RETREG1: variants seen among roughly 807,000 people sequenced by gnomAD.
The protein encoded by RETREG1 is reticulophagy regulator 1, also known as family with sequence similarity 134 member B.
In RETREG1, 44 loss-of-function variants were observed where a neutral mutation model predicts 54.8. That is an observed-to-expected ratio of 0.80 (90% CI 0.63 to 1.03). The LOEUF is 1.03. RETREG1 is among the 50% of genes least tolerant of loss of function. The pLI, the probability that RETREG1 is intolerant of heterozygous loss-of-function variation, is 0.00. For synonymous variants in RETREG1, 217 were observed against 238.5 expected, an observed-to-expected ratio of 0.91 and a Z score of 0.83; for missense variants, 554 against 605.1, an observed-to-expected ratio of 0.92 and a Z score of 0.89.
chr5:16,480,452 T>C (rs1232790959), intron 5 of RETREG1, among the ~76,000 whole-genome samples: 1 of 152,150 alleles, frequency 6.6e-6, no homozygotes, highest in Non-Finnish European at 1.5e-5. Context: ...GTCTTTGTAC[T>C]TTCATTTCTT....
intron 3 of RETREG1, among the ~76,000 whole-genome samples, chr5:16,496,385 GCC>G (rs1429762139): frequency 2.6e-5 from 4 of 152,248 alleles, no homozygotes; most frequent in Admixed American, 2.6e-4. Flanking sequence ...AAATCACACT[GCC>G]ACCCCATGGA....
At chr5:16,494,319 C>CA (rs1033041205) in intron 3 of RETREG1, among the ~76,000 whole-genome samples, 7 of 151,862 alleles carry the variant, frequency 4.6e-5, no homozygotes, top group South Asian at 2.1e-4. Flanking sequence ...ATAGATGACA[C>CA]AAAAAAAATG....
chr5:16,497,398 G>A (rs532032805), intron 3 of RETREG1, among the ~76,000 whole-genome samples: 93 of 152,260 alleles, frequency 6.1e-4, no homozygotes, highest in African/African-American at 2.1e-3. Flanking sequence ...TCACACTACC[G>A]GCAAAGCTGC....
intron 3 of RETREG1, among the ~76,000 whole-genome samples, chr5:16,532,418 G>A (rs769446621): frequency 1.5e-4 from 23 of 152,132 alleles, no homozygotes; most frequent in Admixed American, 5.2e-4. Context: ...CCAGCTACTC[G>A]GGAAGCTGAG....
chr5:16,494,000 A>G (rs1739350077), intron 3 of RETREG1, among the ~76,000 whole-genome samples: 1 of 152,228 alleles, frequency 6.6e-6, no homozygotes, highest in Non-Finnish European at 1.5e-5. Context: ...TAAGATATTC[A>G]GTCAAGATGC....
intron 3 of RETREG1, among the ~76,000 whole-genome samples, chr5:16,564,559 A>G (rs141408449): frequency 6.6e-6 from 1 of 152,286 alleles, no homozygotes; most frequent in African/African-American, 2.4e-5. Context: ...TAGAAAGAGA[A>G]CCTTAACCTG....
chr5:16,545,155 G>T (rs1363304427), intron 3 of RETREG1, among the ~76,000 whole-genome samples: 1 of 152,108 alleles, frequency 6.6e-6, no homozygotes, highest in Non-Finnish European at 1.5e-5. Flanking sequence ...GCTACTTCCA[G>T]CTCGGGTTCC....
intron 3 of RETREG1, among the ~76,000 whole-genome samples, chr5:16,504,515 G>A (rs991362223): frequency 6.6e-6 from 1 of 152,150 alleles, no homozygotes; most frequent in East Asian, 1.9e-4. Context: ...GCCCAGTGAA[G>A]GACTCCTATG....
At chr5:16,480,039 A>T (rs1417320553) in intron 5 of RETREG1, among the ~76,000 whole-genome samples, 1 of 152,026 alleles carries the variant, frequency 6.6e-6, no homozygotes, top group Non-Finnish European at 1.5e-5. Flanking sequence ...ACATATGCAT[A>T]CAACTAAGAA....
rs977824513 is a variant in RETREG1, at chr5:16,561,367, G to A, written c.458+4396C>T. On this transcript the variant is annotated intron_variant, in intron 3 of 8. Transcript: ENST00000306320. This position sits in a 1 kb window ranked among gnomAD's most constrained non-coding sequence, Gnocchi z 4.2. Reference sequence around the variant, plus strand: ...AAAAAATTAGCTGGGCATGGTGGTGGGCACCTGTAGTCCCAGCTACTCGGG... The same window carrying A: ...AAAAAATTAGCTGGGCATGGTGGTGAGCACCTGTAGTCCCAGCTACTCGGG... 2.6e-5 allele frequency among the ~76,000 whole-genome samples: 4 copies of A among 151,330 alleles called. No individual in the cohort carries two copies. Among genetic ancestry groups the A allele is most frequent in the Admixed American group, 6.6e-5 (1 of 15,130 alleles).
chr5:16,608,985 C>T (rs1743269189), intron 1 of RETREG1, among the ~76,000 whole-genome samples: 1 of 152,144 alleles, frequency 6.6e-6, no homozygotes, highest in African/African-American at 2.4e-5. Context: ...CTTCATTACC[C>T]AGCTTCAGCA....
chr5:16,527,800 ATTTT>A (rs386403108), intron 3 of RETREG1, among the ~76,000 whole-genome samples: 4 of 66,260 alleles, frequency 6.0e-5, no homozygotes, highest in African/African-American at 5.8e-5. Context: ...AGGGACTCTA[ATTTT>A]TTTTTTTTTT....
At chr5:16,567,440 G>C (rs560982025) in intron 2 of RETREG1, among the ~76,000 whole-genome samples, 4 of 152,368 alleles carry the variant, frequency 2.6e-5, no homozygotes, top group Non-Finnish European at 5.9e-5. Flanking sequence ...AGAATGGTGA[G>C]TGCACGAAGG....
At chr5:16,582,234 T>G (rs1471825715) in intron 1 of RETREG1, among the ~76,000 whole-genome samples, 2 of 152,244 alleles carry the variant, frequency 1.3e-5, no homozygotes, top group Non-Finnish European at 2.9e-5. Flanking sequence ...TGCACGTTCT[T>G]TTAGCAAGTT....
rs111668651 is a variant in RETREG1 at position 16,573,117 on chromosome 5, G to T, written c.321-1015C>A. ...GAATCACTTGAACCTGGGAGGCGGA[G>T]GTTGCAGTGAGCCAAGATCGCACCA... is the stretch of plus-strand genomic sequence containing the variant. On this transcript the variant is annotated intron_variant, in intron 1 of 8. Coordinates refer to ENST00000306320, the MANE Select transcript of RETREG1 (RefSeq NM_001034850.3). 5.1e-3 allele frequency among the ~76,000 whole-genome samples: 728 copies of T among 142,266 alleles called. 5 individuals carry two copies. The highest frequency in any genetic ancestry group is 0.018 in the African/African-American group (702 of 39,080). The allele number at this position is 142,266 out of a possible 152,430, so 93.3% of individuals were successfully genotyped here.
chr5:16,552,554 TA>T (rs1252930331), intron 3 of RETREG1, among the ~76,000 whole-genome samples: 1 of 152,212 alleles, frequency 6.6e-6, no homozygotes, highest in East Asian at 1.9e-4. Flanking sequence ...GTTTGTCAAC[TA>T]AAAAACACAA....
At chr5:16,548,136 A>T (rs966424618) in intron 3 of RETREG1, among the ~76,000 whole-genome samples, 5 of 152,318 alleles carry the variant, frequency 3.3e-5, no homozygotes, top group Non-Finnish European at 5.9e-5. Context: ...ATGTAAAAAA[A>T]TTCATATCAG....
chr5:16,496,858 T>C lies in RETREG1; in HGVS notation c.459-13386A>G, dbSNP rs550133602. 7.0e-4 allele frequency among the ~76,000 whole-genome samples: 107 copies of C among 152,314 alleles called. 2 individuals carry two copies. Among genetic ancestry groups the C allele is most frequent in the Non-Finnish European group, 1.2e-3 (82 of 68,038 alleles). On this transcript the variant is annotated intron_variant, in intron 3 of 8. Coordinates refer to ENST00000306320, the MANE Select transcript of RETREG1 (RefSeq NM_001034850.3). ...TAGATATTTTTGGCTTTGTTGGCTA[T>C]ACAACTCTGCCACTGTAGCAAAAAG...
rs913868295 is a variant in RETREG1, at chr5:16,514,973, A to G, written c.459-31501T>C. 4.1e-5 allele frequency among the ~76,000 whole-genome samples: 6 copies of G among 148,064 alleles called. No individual in the cohort carries two copies. In the East Asian group the frequency reaches 7.8e-4, roughly 19 times the overall value. ...ATATATGTGTATATATATTATATATATATATAAAATTTTCTTTATCCACTC... is the reference window on the plus strand; with the variant it reads ...ATATATGTGTATATATATTATATATGTATATAAAATTTTCTTTATCCACTC... On this transcript the variant is annotated intron_variant, in intron 3 of 8. Transcript: ENST00000306320.
Sources: gnomAD v4.1 joint callset for allele counts (sites outside exome capture counted in the v4.1 genomes callset) on GRCh38, gnomAD v4.1.1 for gene constraint, Gnocchi (gnomAD v3.1) non-coding constraint, MANE v1.5 for transcripts, NCBI Gene and HGNC (gene_info 2026-07-23, HGNC 2026-07-21) for gene names.